The following ICE1 variants were observed in gnomAD, a reference collection of about 807,000 sequenced individuals.
ICE1 encodes little elongation complex subunit 1.
A neutral mutation model predicts 192.7 loss-of-function variants in ICE1; 64 were observed. That is an observed-to-expected ratio of 0.33 (90% confidence interval 0.27 to 0.41). ICE1 has a LOEUF of 0.41. Ranked by LOEUF, ICE1 falls within the 10% of genes least tolerant of loss-of-function variation. The pLI is 1.00. For missense variants in ICE1, 2,708 were observed against 2,696.0 expected, an observed-to-expected ratio of 1.00 and a Z score of -0.10; for synonymous variants, 1,010 against 984.5, an observed-to-expected ratio of 1.03 and a Z score of -0.49.
chr5:5,448,892 A>G (rs1233481346), intron 10 of ICE1, among the ~76,000 whole-genome samples: 1 of 152,194 alleles, frequency 6.6e-6, no homozygotes, highest in African/African-American at 2.4e-5. Flanking sequence ...TTTTGACTAG[A>G]TTCTTTGTCT....
rs766844222 is a variant in ICE1, at chr5:5,461,101, T to C, written c.1767T>C (p.Ser589=). 5.6e-6 allele frequency: 9 copies of C among 1,613,904 alleles called. No individual in the cohort carries two copies. In the African/African-American group the frequency reaches 1.2e-4, roughly 22 times the overall value. Residue 589 remains serine (S), a synonymous_variant, in exon 13 of 19, where the codon TCT becomes TCC. Coordinates refer to ENST00000296564, the MANE Select transcript of ICE1 (RefSeq NM_015325.3). The part of the protein sequence containing the change: ...ITVSGHFHRL[S]RELEKEKEDT... ...TTTCTGGCCATTTTCACAGACTATC[T>C]AGAGAATTGGAAAAGGAAAAAGAAG... is the stretch of plus-strand genomic sequence containing the variant.
intron 1 of ICE1, 74 bp downstream of exon 1, chr5:5,423,073 T>C: frequency 9.7e-7 from 1 of 1,030,360 alleles, no homozygotes; most frequent in Non-Finnish European, 1.3e-6. Context: ...GGATGTGGGG[T>C]CCGGCCGCGC....
Position 5,436,475 on chromosome 5 carries a change from G to C in ICE1, c.142G>C (p.Asp48His). Residue 48 changes from aspartate to histidine, a missense_variant and splice_region_variant, in exon 2 of 19, where the codon GAT becomes CAT. By Grantham distance (81) the Asp-to-His change is moderately conservative (BLOSUM62 -1). Transcript: ENST00000296564. ...ITLKQKIINT[D>H]NLLTEYQKKC... The stretch of plus-strand genomic sequence containing the variant: ...CTTGAAACAAAAAATTATCAATACA[G>C]AGTAAGTATATTTGCATGTCGTTTG... 6.8e-7 allele frequency: 1 copy of C among 1,461,588 alleles called. No homozygotes were observed. The highest frequency in any genetic ancestry group is 9.1e-7 in the Non-Finnish European group (1 of 1,094,384). The allele number at this position is 1,461,588 out of a possible 1,614,324, so 90.5% of individuals were successfully genotyped here. A position where few individuals can be genotyped will look rare whatever the true frequency, so the allele number is the denominator to read the frequency against.
chr5:5,472,764 A>G (rs1739197063), intron 15 of ICE1, among the ~76,000 whole-genome samples: 1 of 152,174 alleles, frequency 6.6e-6, no homozygotes, highest in South Asian at 2.1e-4. Context: ...ATTGAGTATT[A>G]TATGTGTATT....
Position 5,464,039 on chromosome 5 carries a change from A to G in ICE1, c.4705A>G (p.Lys1569Glu), listed in dbSNP as rs1328092901. ...CAAAGATCAGTCAAACAAACCAGTA[A>G]AAACTTCAGCGTCGAGCAGAGTTGA... ...SNKDQSNKPV[K>E]TSASSRVETH... is the part of the protein sequence containing the mutation. The change falls in exon 13 of 19, where the codon AAA (lysine) becomes GAA (glutamate). Residue 1569 changes from lysine (K) to glutamate (E), a missense_variant. Around this residue, in one of 2 missense-constraint regions of ICE1, gnomAD observed 2,366 missense variants for 2,276.6 expected, o/e 1.04. Transcript: ENST00000296564. This position sits in a 1 kb window ranked among gnomAD's most constrained non-coding sequence, Gnocchi z 4.0. 1 of 1,613,716 alleles carries G rather than the reference A, an allele frequency of 6.2e-7. No homozygotes were observed. Among genetic ancestry groups the G allele is most frequent in the Admixed American group, 1.7e-5 (1 of 59,984 alleles).
chr5:5,445,251 A>G (rs527875589), intron 7 of ICE1, among the ~76,000 whole-genome samples: 3 of 152,196 alleles, frequency 2.0e-5, no homozygotes, highest in Non-Finnish European at 4.4e-5. Flanking sequence ...TTGGACTGGA[A>G]CTCTAAATAT....
intron 18 of ICE1, among the ~76,000 whole-genome samples, chr5:5,487,140 G>C (rs1739657883): frequency 6.6e-6 from 1 of 152,102 alleles, no homozygotes; most frequent in Non-Finnish European, 1.5e-5. Flanking sequence ...ACTTAACCTG[G>C]GCTCTCTGCG....
chr5:5,433,194 T>G (rs1737772638), intron 1 of ICE1, among the ~76,000 whole-genome samples: 1 of 152,162 alleles, frequency 6.6e-6, no homozygotes, highest in Non-Finnish European at 1.5e-5. Flanking sequence ...ATAGTACACC[T>G]GCCCCAAGGG....
Position 5,460,870 on chromosome 5 carries a change from A to G in ICE1, c.1536A>G (p.Arg512=). 4.3e-6 allele frequency: 7 copies of G among 1,614,020 alleles called. No homozygotes were observed. Among genetic ancestry groups the G allele is most frequent in the South Asian group, 1.1e-5 (1 of 91,086 alleles). ...TCACTCGAGGTCTATGCATTGAGAG[A>G]TTGTCTGCCAGCCCTGCACAAGAGA... is the stretch of plus-strand genomic sequence containing the variant. ...HKLTRGLCIE[R]LSASPAQEKE... is the part of the protein sequence containing the mutation. Residue 512 remains arginine (R), a synonymous_variant, in exon 13 of 19, where the codon AGA becomes AGG. Coordinates refer to ENST00000296564, the MANE Select transcript of ICE1 (RefSeq NM_015325.3).
At chr5:5,469,506 C>T (rs1163815126) in intron 15 of ICE1, among the ~76,000 whole-genome samples, 1 of 152,000 alleles carries the variant, frequency 6.6e-6, no homozygotes, top group African/African-American at 2.4e-5. Flanking sequence ...TCATCATTTT[C>T]TTTCATTCAT....
chr5:5,447,560 C>T (rs1439149016), intron 8 of ICE1, 51 bp downstream of exon 8: 1 of 1,433,700 alleles, frequency 7.0e-7, no homozygotes, highest in Non-Finnish European at 9.6e-7. Flanking sequence ...GCTCCAGGGT[C>T]TCTGTAGTGT....
chr5:5,426,281 C>T (rs948696647), intron 1 of ICE1, among the ~76,000 whole-genome samples: 9 of 152,030 alleles, frequency 5.9e-5, no homozygotes, highest in Non-Finnish European at 1.0e-4. Flanking sequence ...CCCGTCTCTA[C>T]GAAAAATACA....
At chr5:5,448,030 A>G (rs141471441) in intron 10 of ICE1, 133 bp downstream of exon 10, 44 of 633,968 alleles carry the variant, frequency 6.9e-5, no homozygotes, top group Middle Eastern at 4.3e-4. Context: ...GAAGTCATAT[A>G]TTATTGTGTC....
chr5:5,464,206 A>G lies in ICE1; in HGVS notation c.4872A>G (p.Ile1624Met). 1 of 1,613,586 alleles carries G rather than the reference A, an allele frequency of 6.2e-7. No individual in the cohort carries two copies. The highest frequency in any genetic ancestry group is 1.1e-5 in the South Asian group (1 of 91,046). Residue 1624 changes from isoleucine to methionine, a missense_variant, in exon 13 of 19, where the codon ATA (isoleucine) becomes ATG (methionine). By Grantham distance (10) the Ile-to-Met change is conservative. Transcript: ENST00000296564. The surrounding 1 kb of genome is among the most constrained non-coding windows in gnomAD (Gnocchi z 4.0). ...TDCSPDTLSK[I>M]RQEVGPPLPP... ...GTTCTCCTGACACACTGAGTAAAAT[A>G]CGGCAAGAGGTGGGGCCTCCTTTGC...
At chr5:5,430,523 T>C (rs755127426) in intron 1 of ICE1, among the ~76,000 whole-genome samples, 3 of 152,206 alleles carry the variant, frequency 2.0e-5, no homozygotes, top group South Asian at 4.1e-4. Context: ...TAGACAGATA[T>C]ACAAGAGTTG....
At chr5:5,483,194 C>G (rs1739553690) in intron 17 of ICE1, among the ~76,000 whole-genome samples, 1 of 152,032 alleles carries the variant, frequency 6.6e-6, no homozygotes, top group Non-Finnish European at 1.5e-5. Context: ...CAGAGTTTCT[C>G]CATGTTGGTC....
chr5:5,453,761 CT>C (rs1449793883), intron 10 of ICE1, among the ~76,000 whole-genome samples: 6 of 152,130 alleles, frequency 3.9e-5, no homozygotes, highest in Non-Finnish European at 8.8e-5. Flanking sequence ...TGTAGAAAAG[CT>C]TTAAAACCAT....
chr5:5,463,657 G>C lies in ICE1; in HGVS notation c.4323G>C (p.Leu1441=). Residue 1441 remains leucine (L), a synonymous_variant, in exon 13 of 19, where the codon CTG becomes CTC. Coordinates refer to ENST00000296564, the MANE Select transcript of ICE1 (RefSeq NM_015325.3). ...AVLPHVDQVT[L]CDIPGDIPIS... ...TGCCACATGTGGACCAGGTCACACT[G>C]TGTGACATTCCTGGAGACATCCCTA... The C allele has an allele frequency of 1.2e-6, 2 of 1,613,984 alleles. No individual in the cohort carries two copies. The highest frequency in any genetic ancestry group is 1.7e-6 in the Non-Finnish European group (2 of 1,179,882).
rs778703792 is a variant in ICE1, at chr5:5,463,942, G to A, written c.4608G>A (p.Ala1536=). Residue 1536 remains alanine (A), a synonymous_variant, in exon 13 of 19, where the codon GCG becomes GCA. Transcript: ENST00000296564. ...YDQNFETQIV[A]SDHTYYNSKL... is the part of the protein sequence containing the mutation. ...AAAACTTCGAGACTCAGATTGTTGC[G>A]TCTGATCACACATATTATAACTCAA... is the stretch of plus-strand genomic sequence containing the variant. 1.7e-5 allele frequency: 27 copies of A among 1,613,762 alleles called. No homozygotes were observed. Among genetic ancestry groups the A allele is most frequent in the South Asian group, 7.7e-5 (7 of 91,064 alleles).
Sources: allele counts gnomAD v4.1 joint callset (sites outside exome capture counted in the v4.1 genomes callset), GRCh38; gene constraint gnomAD v4.1.1; regional missense constraint gnomAD v4.1.1; non-coding constraint Gnocchi (gnomAD v3.1); transcripts MANE v1.5; gene names NCBI Gene and HGNC (gene_info 2026-07-23, HGNC 2026-07-21).